MTA3: variants seen among roughly 807,000 people sequenced by gnomAD.
MTA3 encodes the protein metastasis associated 1 family member 3.
In MTA3, 34 loss-of-function variants were observed where a neutral mutation model predicts 83.5. The observed-to-expected ratio is 0.41, with a 90% CI of 0.31 to 0.54. The LOEUF is 0.54. MTA3 is among the 20% of genes least tolerant of loss of function. The pLI, the probability that MTA3 is intolerant of heterozygous loss-of-function variation, is 0.33. For synonymous variants in MTA3, 303 were observed against 252.7 expected (o/e 1.20, Z -1.89); for missense variants, 761 against 726.4 (o/e 1.05, Z -0.55).
chr2:42,634,956 G>A (rs1376286305), intron 4 of MTA3, among the ~76,000 whole-genome samples: 2 of 151,728 alleles, frequency 1.3e-5, no homozygotes, highest in East Asian at 3.9e-4. Context: ...ATTCTTTCTT[G>A]TATAAACTTT....
chr2:42,618,495 C>T (rs1226726993), intron 4 of MTA3, among the ~76,000 whole-genome samples: 1 of 152,152 alleles, frequency 6.6e-6, no homozygotes, highest in East Asian at 1.9e-4. Flanking sequence ...GTCATAAAAA[C>T]AATATAATTT....
intron 8 of MTA3, among the ~76,000 whole-genome samples, chr2:42,665,154 CT>C (rs1197673268): frequency 6.6e-6 from 1 of 152,156 alleles, no homozygotes; most frequent in Non-Finnish European, 1.5e-5. Context: ...AATCCTAGCA[CT>C]TTGGGAGGCC....
At position 42,609,593 on chromosome 2, in the gene MTA3, T is replaced by A. The variant is rs779219602; in HGVS notation, c.317+9T>A. 5.0e-6 allele frequency: 8 copies of A among 1,611,858 alleles called. No homozygotes were observed. The highest frequency in any genetic ancestry group is 6.8e-6 in the Non-Finnish European group (8 of 1,178,884). Reference sequence around the variant, plus strand: ...CCCGCAACACATATCAGGTAAGAACTTTTTAGGAACTAAGGTACTCAGTAC... The same window carrying A: ...CCCGCAACACATATCAGGTAAGAACATTTTAGGAACTAAGGTACTCAGTAC... On this transcript the variant is annotated intron_variant, in intron 4 of 16. Coordinates refer to ENST00000405094, the MANE Select transcript of MTA3 (RefSeq NM_001330442.2).
intron 5 of MTA3, among the ~76,000 whole-genome samples, chr2:42,640,602 G>T (rs1458949640): frequency 6.6e-6 from 1 of 152,028 alleles, no homozygotes; most frequent in Non-Finnish European, 1.5e-5. Flanking sequence ...TTTTCTTTTA[G>T]ACTGTTTCCA....
At chr2:42,557,101 G>A (rs985672267) in intron 2 of MTA3, among the ~76,000 whole-genome samples, 2 of 152,054 alleles carry the variant, frequency 1.3e-5, no homozygotes, top group Admixed American at 6.6e-5. Flanking sequence ...GAAAAGACCA[G>A]GTGAGGTGGC....
intron 8 of MTA3, among the ~76,000 whole-genome samples, chr2:42,667,996 C>T (rs1690446738): frequency 6.6e-6 from 1 of 152,132 alleles, no homozygotes; most frequent in South Asian, 2.1e-4. Context: ...ATCCGTGTAG[C>T]CCGGCGCAAG....
chr2:42,755,756 C>G lies in MTA3; in HGVS notation c.*2357C>G, dbSNP rs1052798759. 2.0e-6 allele frequency: 2 copies of G among 985,608 alleles called. No individual in the cohort carries two copies. Among genetic ancestry groups the G allele is most frequent in the Non-Finnish European group, 2.4e-6 (2 of 830,062 alleles). 61.1% of individuals were successfully genotyped at this position (985,608 alleles called of 1,614,324 possible). ...GGGCCATGGTGTCCCTGCTGTGTGT[C>G]AGTGGCATGTCACTGTGGTTCAGTG... is the stretch of plus-strand genomic sequence containing the variant. On this transcript the variant is annotated 3_prime_UTR_variant, in exon 17 of 17. Transcript: ENST00000405094.
chr2:42,654,306 T>TGG (rs1688967023), intron 6 of MTA3, among the ~76,000 whole-genome samples: 1 of 152,192 alleles, frequency 6.6e-6, no homozygotes, highest in African/African-American at 2.4e-5. Flanking sequence ...CTTGCTCCTA[T>TGG]ACTAGGCGGC....
chr2:42,500,433 C>T (rs1674345388), intron 2 of MTA3, among the ~76,000 whole-genome samples: 1 of 151,944 alleles, frequency 6.6e-6, no homozygotes, highest in Non-Finnish European at 1.5e-5. Context: ...TGGCACGTGC[C>T]TGTAGTCCCT....
intron 2 of MTA3, among the ~76,000 whole-genome samples, chr2:42,502,656 G>T (rs919627008): frequency 6.6e-6 from 1 of 152,100 alleles, no homozygotes; most frequent in Non-Finnish European, 1.5e-5. Context: ...AAATTAGCCG[G>T]TGTAGTGGCG....
At chr2:42,659,056 C>A (rs1286428229) in intron 7 of MTA3, among the ~76,000 whole-genome samples, 2 of 151,786 alleles carry the variant, frequency 1.3e-5, no homozygotes, top group Non-Finnish European at 2.9e-5. Flanking sequence ...TATGATCATA[C>A]TATTGCGCTC....
chr2:42,681,246 C>G (rs1691874152), intron 8 of MTA3, among the ~76,000 whole-genome samples: 1 of 152,190 alleles, frequency 6.6e-6, no homozygotes, highest in Non-Finnish European at 1.5e-5. Flanking sequence ...TCTTTGTCTT[C>G]TACAATCTCA....
In MTA3 at chr2:42,543,263, T is replaced by G. The variant is rs1272999218; in HGVS notation, c.-140-27174T>G. Among the ~76,000 whole-genome samples the G allele has an allele frequency of 3.3e-5, 5 of 151,126 alleles. No homozygotes were observed. The East Asian group carries it at 9.8e-4, about 30-fold the overall frequency. On this transcript the variant is annotated intron_variant, in intron 2 of 17. Coordinates refer to the MTA3 transcript ENST00000405592. ...CGCAATCTCAGCTCACTGCAAACTC[T>G]GCCTCCCTGGTTCAAGCGATTCTCC... is the stretch of plus-strand genomic sequence containing the variant.
chr2:42,752,423 A>G (rs1669943597), intron 16 of MTA3: 1 of 361,160 alleles, frequency 2.8e-6, no homozygotes, highest in Admixed American at 3.6e-5. Flanking sequence ...CCACTTTCCT[A>G]ATAACTAAGT....
At chr2:42,617,931 A>G (rs1685100427) in intron 4 of MTA3, among the ~76,000 whole-genome samples, 1 of 151,310 alleles carries the variant, frequency 6.6e-6, no homozygotes, top group Non-Finnish European at 1.5e-5. Flanking sequence ...GCTGAAAACA[A>G]CTCTTTTTTT....
At chr2:42,577,301 T>G (rs1558451446) in intron 2 of MTA3, among the ~76,000 whole-genome samples, 1 of 151,450 alleles carries the variant, frequency 6.6e-6, no homozygotes. Context: ...AGGAATATGG[T>G]AGCTGTAAGC....
chr2:42,549,681 AATATATT>A (rs1257753428), intron 2 of MTA3, among the ~76,000 whole-genome samples: 1 of 130,956 alleles, frequency 7.6e-6, no homozygotes, highest in East Asian at 2.0e-4. Context: ...TATAATATAT[AATATATT>A]ATATATACAT....
chr2:42,672,035 G>T (rs1222139426), intron 8 of MTA3, among the ~76,000 whole-genome samples: 1 of 152,114 alleles, frequency 6.6e-6, no homozygotes, highest in Non-Finnish European at 1.5e-5. Context: ...TGCCTGTATT[G>T]GTTCTCCAGT....
At chr2:42,660,849 G>T (rs990899254) in intron 8 of MTA3, among the ~76,000 whole-genome samples, 4 of 152,144 alleles carry the variant, frequency 2.6e-5, no homozygotes, top group Non-Finnish European at 5.9e-5. Context: ...ATACACATCA[G>T]ATAATAAAAA....
Sources: allele counts gnomAD v4.1 joint callset (sites outside exome capture counted in the v4.1 genomes callset), GRCh38; gene constraint gnomAD v4.1.1; transcripts MANE v1.5; gene names NCBI Gene and HGNC (gene_info 2026-07-23, HGNC 2026-07-21).